Variants in PROS1 observed in about 807,000 individuals in gnomAD.
PROS1 encodes the protein vitamin K-dependent protein S.
In PROS1, 29 loss-of-function variants were observed where a neutral mutation model predicts 75.9. That is an observed-to-expected ratio of 0.38 (90% CI 0.28 to 0.52). The LOEUF (loss-of-function observed/expected upper bound fraction) is 0.52. Among genes scored for constraint, PROS1 ranks in the 20% least tolerant of loss-of-function variants. The pLI, the probability that PROS1 is intolerant of heterozygous loss-of-function variation, is 0.83. For missense variants in PROS1, 680 were observed against 810.3 expected (o/e 0.84, Z 1.95); for synonymous variants, 245 against 280.6 (o/e 0.87, Z 1.27).
At chr3:93,971,274 G>A (rs556301881) in intron 1 of PROS1, among the ~76,000 whole-genome samples, 38 of 151,678 alleles carry the variant, frequency 2.5e-4, no homozygotes, top group Non-Finnish European at 4.9e-4. Context: ...CTTGAACCCA[G>A]GAGGCAGAGG....
At chr3:93,956,991 A>G (rs1709613418) in intron 1 of PROS1, among the ~76,000 whole-genome samples, 1 of 152,198 alleles carries the variant, frequency 6.6e-6, no homozygotes, top group Non-Finnish European at 1.5e-5. Context: ...TAGAAAATTA[A>G]CCTGAGGAAA....
At chr3:93,948,673 T>C (rs1453908991) in intron 1 of PROS1, among the ~76,000 whole-genome samples, 2 of 152,242 alleles carry the variant, frequency 1.3e-5, no homozygotes, top group Non-Finnish European at 1.5e-5. Context: ...AGAAACAGAA[T>C]ATAAATGAAA....
At chr3:93,942,075 T>C (rs1709296682) in intron 1 of PROS1, among the ~76,000 whole-genome samples, 1 of 152,102 alleles carries the variant, frequency 6.6e-6, no homozygotes, top group Admixed American at 6.5e-5. Flanking sequence ...ATTTCCTTCT[T>C]TCCTGTTCCT....
chr3:93,932,630 C>A (rs1709122593), intron 1 of PROS1, among the ~76,000 whole-genome samples: 1 of 152,172 alleles, frequency 6.6e-6, no homozygotes, highest in Non-Finnish European at 1.5e-5. Context: ...ATTGTGCAAA[C>A]ATGAACTGGA....
chr3:93,907,937 A>T (rs2107174059), intron 4 of PROS1, among the ~76,000 whole-genome samples: 1 of 152,274 alleles, frequency 6.6e-6, no homozygotes, highest in East Asian at 1.9e-4. Flanking sequence ...CAAGGCAGGC[A>T]GGCAGATCAC....
chr3:93,892,808 A>C, intron 10 of PROS1, 125 bp downstream of exon 10: 1 of 829,470 alleles, frequency 1.2e-6, no homozygotes. Context: ...AGTATGTAGA[A>C]TATACCTCAT....
chr3:93,886,402 T>C lies in PROS1; in HGVS notation c.1257A>G (p.Gly419=), dbSNP rs1215721642. The C allele has an allele frequency of 6.2e-7, 1 of 1,613,770 alleles. No homozygotes were observed. The highest frequency in any genetic ancestry group is 8.5e-7 in the Non-Finnish European group (1 of 1,179,876). ...CAAAGTATACTTTGGTTTCCAGCAA[T>C]CCATTTTCCGGCTTAAAAAGGGGTC... ...KPGPLFKPEN[G]LLETKVYFAG... is the part of the protein sequence containing the mutation. The change falls in exon 11 of 15, where the codon GGA becomes GGG. Residue 419 remains glycine, a synonymous_variant. Coordinates refer to ENST00000394236, the MANE Select transcript of PROS1 (RefSeq NM_000313.4).
At chr3:93,910,775 C>A (rs1162158693) in intron 3 of PROS1, 70 bp from the exon 4 acceptor site, 2 of 1,291,250 alleles carry the variant, frequency 1.5e-6, no homozygotes, top group East Asian at 2.5e-5. Context: ...ATGGTAGGAA[C>A]TGTCCCAAGA....
intron 1 of PROS1, among the ~76,000 whole-genome samples, chr3:93,970,654 T>A (rs1032198480): frequency 1.3e-5 from 2 of 152,006 alleles, no homozygotes; most frequent in African/African-American, 4.8e-5. Context: ...ACAGTATATA[T>A]GTTAAATATA....
At chr3:93,948,533 G>A (rs559302627) in intron 1 of PROS1, among the ~76,000 whole-genome samples, 1 of 152,118 alleles carries the variant, frequency 6.6e-6, no homozygotes, top group Non-Finnish European at 1.5e-5. Flanking sequence ...TTATTATTGT[G>A]TGGGAGTCTA....
intron 14 of PROS1, among the ~76,000 whole-genome samples, chr3:93,876,487 G>T (rs1214875740): frequency 1.3e-5 from 2 of 148,858 alleles, no homozygotes; most frequent in African/African-American, 4.9e-5. Context: ...TACTCGGGAG[G>T]TTGAGGCAGG....
At chr3:93,958,545 T>G (rs2107256353) in intron 1 of PROS1, 1 of 152,340 alleles carries the variant, frequency 6.6e-6, no homozygotes, top group African/African-American at 2.4e-5. Context: ...GACTCTTTTC[T>G]TTGTACTTGA....
intron 1 of PROS1, among the ~76,000 whole-genome samples, chr3:93,931,380 C>T (rs1052024194): frequency 1.3e-5 from 2 of 152,160 alleles, no homozygotes; most frequent in East Asian, 1.9e-4. Flanking sequence ...TATAGAGACA[C>T]TGATGTCATT....
intron 9 of PROS1, among the ~76,000 whole-genome samples, chr3:93,895,726 C>A (rs1708493147): frequency 6.6e-6 from 1 of 152,084 alleles, no homozygotes; most frequent in African/African-American, 2.4e-5. Flanking sequence ...ACAATTATGG[C>A]AGATCACCTG....
intron 1 of PROS1, among the ~76,000 whole-genome samples, chr3:93,969,203 A>C (rs1202582412): frequency 2.0e-5 from 3 of 151,506 alleles, no homozygotes; most frequent in African/African-American, 7.3e-5. Flanking sequence ...TAGCACAGAA[A>C]TACAGGAATC....
intron 12 of PROS1, among the ~76,000 whole-genome samples, chr3:93,883,886 G>T (rs1488119298): frequency 6.6e-6 from 1 of 152,048 alleles, no homozygotes; most frequent in South Asian, 2.1e-4. Context: ...GGTGGCAGAG[G>T]TTGCAGTGAG....
intron 1 of PROS1, among the ~76,000 whole-genome samples, chr3:93,943,203 A>T (rs1378714589): frequency 6.6e-6 from 1 of 152,130 alleles, no homozygotes; most frequent in Admixed American, 6.6e-5. Context: ...CGGACTAATG[A>T]TCTTTTAAAA....
chr3:93,938,954 C>G (rs921947441), intron 1 of PROS1, among the ~76,000 whole-genome samples: 2 of 152,116 alleles, frequency 1.3e-5, no homozygotes, highest in African/African-American at 2.4e-5. Flanking sequence ...CTCACCACCC[C>G]CCTTCTCCAT....
chr3:93,887,500 C>T (rs1708366924), intron 10 of PROS1, among the ~76,000 whole-genome samples: 2 of 152,148 alleles, frequency 1.3e-5, no homozygotes, highest in Non-Finnish European at 2.9e-5. Context: ...AAACTCTTCA[C>T]TCACTAACCA....
Sources: allele counts gnomAD v4.1 joint callset (sites outside exome capture counted in the v4.1 genomes callset), GRCh38; gene constraint gnomAD v4.1.1; transcripts MANE v1.5; gene names NCBI Gene and HGNC (gene_info 2026-07-23, HGNC 2026-07-21).